The following PLXNA2 variants were observed in gnomAD, a reference collection of about 807,000 sequenced individuals.
PLXNA2 encodes plexin-A2.
Under a neutral mutation model 193.5 loss-of-function variants are expected in PLXNA2, and 91 were observed. The observed-to-expected ratio is 0.47, with a 90% CI of 0.40 to 0.56. The LOEUF is 0.56. Among genes scored for constraint, PLXNA2 ranks in the 20% least tolerant of loss-of-function variants. The pLI is 0.00. For missense variants in PLXNA2, 1,995 were observed against 2,503.2 expected (o/e 0.80, Z 4.33); for synonymous variants, 997 against 1,027.3 (o/e 0.97, Z 0.56).
chr1:208,211,509 T>C (rs1045043642), intron 2 of PLXNA2, among the ~76,000 whole-genome samples: 4 of 152,140 alleles, frequency 2.6e-5, no homozygotes, highest in East Asian at 1.9e-4. Flanking sequence ...CTGGCCAACA[T>C]AGTGAAACCC....
rs757014612 is a variant in PLXNA2 at position 208,042,343 on chromosome 1, G to A, written c.4041C>T (p.His1347=). 31 of 1,613,882 alleles carry A rather than the reference G, an allele frequency of 1.9e-5. No individual in the cohort carries two copies. Among genetic ancestry groups the A allele is most frequent in the South Asian group, 1.3e-4 (12 of 91,084 alleles). ...CAAAGAGCTTCAGGGCCTTCTCCAC[G>A]TGCTGCTGCCCGTTTCCTTGTACCT... ...ELEVQGNGQQ[H]VEKALKLFAQ... is the part of the protein sequence containing the mutation. Residue 1347 remains histidine, a synonymous_variant, in exon 22 of 32, where the codon CAC becomes CAT. Transcript: ENST00000367033.
rs1172185974 is a variant in PLXNA2, at chr1:208,052,560, G to C, written c.2857-97C>G. On this transcript the variant is annotated intron_variant, in intron 14 of 31. Transcript: ENST00000367033. ...GGATGGGAGAGATTGTTTTCATTCT[G>C]GGCGTGGTGGTACTTGTCCTGTCCT... The C allele has an allele frequency of 8.0e-6, 10 of 1,245,548 alleles. No individual in the cohort carries two copies. In the South Asian group the frequency reaches 1.1e-4, roughly 14 times the overall value. 77.2% of individuals were successfully genotyped at this position (1,245,548 alleles called of 1,614,324 possible). A position where few individuals can be genotyped will look rare whatever the true frequency, so the allele number is the denominator to read the frequency against.
In PLXNA2 at chr1:208,243,720, G is replaced by A. The variant is rs1409237079; in HGVS notation, c.-158C>T. Reference sequence around the variant, plus strand: ...CGCCGCCGGCTGCTGAGGGCGGCGCGAGGCCCCTCTCCCTGCCCGCAGCTC... The same window carrying A: ...CGCCGCCGGCTGCTGAGGGCGGCGCAAGGCCCCTCTCCCTGCCCGCAGCTC... On this transcript the variant is annotated 5_prime_UTR_variant, in exon 1 of 32. Transcript: ENST00000367033. The A allele has an allele frequency of 3.3e-5, 5 of 152,248 alleles. No homozygotes were observed. Among genetic ancestry groups the A allele is most frequent in the Non-Finnish European group, 7.3e-5 (5 of 68,062 alleles). The allele number at this position is 152,248 out of a possible 1,614,324, so 9.4% of individuals were successfully genotyped here.
rs532204602 is a variant in PLXNA2, at chr1:208,054,693, G to A, written c.2739-155C>T. Among the ~76,000 whole-genome samples the A allele has an allele frequency of 1.3e-4, 20 of 152,336 alleles. No individual in the cohort carries two copies. The South Asian group carries it at 3.5e-3, about 27-fold the overall frequency. Reference sequence around the variant, plus strand: ...CATCCATCTTGCTGTGTGACCTTGGGTACAGTGCTTTCCCTCTCTGGGCTT... The same window carrying A: ...CATCCATCTTGCTGTGTGACCTTGGATACAGTGCTTTCCCTCTCTGGGCTT... On this transcript the variant is annotated intron_variant, in intron 13 of 31. Coordinates refer to ENST00000367033, the MANE Select transcript of PLXNA2 (RefSeq NM_025179.4).
chr1:208,106,031 G>A (rs959659254), intron 4 of PLXNA2, among the ~76,000 whole-genome samples: 4 of 150,074 alleles, frequency 2.7e-5, no homozygotes, highest in African/African-American at 9.8e-5. Flanking sequence ...GAAACCAATA[G>A]CACAACTATT....
In PLXNA2 at chr1:208,045,222, A is replaced by G. The variant is rs1315729105; in HGVS notation, c.3496-12T>C. ...CAGAGGTTTTTGCCCTGTAGAGAAT[A>G]GCAGTCTTTATAGGCATAATTGACA... is the stretch of plus-strand genomic sequence containing the variant. On this transcript the variant is annotated splice_polypyrimidine_tract_variant and intron_variant, in intron 18 of 31. Transcript: ENST00000367033. 1 of 1,613,220 alleles carries G rather than the reference A, an allele frequency of 6.2e-7. No individual in the cohort carries two copies. Among genetic ancestry groups the G allele is most frequent in the Non-Finnish European group, 8.5e-7 (1 of 1,179,226 alleles).
rs529847101 is a variant in PLXNA2, at chr1:208,177,040, T to G, written c.1371+33240A>C. On this transcript the variant is annotated intron_variant, in intron 3 of 31. Coordinates refer to ENST00000367033, the MANE Select transcript of PLXNA2 (RefSeq NM_025179.4). ...TCCTTGCATTACAAACCAAGCTCCA[T>G]GCACACTTTTCTTTGATGGCTTTGC... Among the ~76,000 whole-genome samples the G allele has an allele frequency of 5.9e-5, 9 of 152,260 alleles. No homozygotes were observed. The East Asian group carries it at 1.4e-3, about 23-fold the overall frequency.
intron 4 of PLXNA2, among the ~76,000 whole-genome samples, chr1:208,116,474 T>C (rs1369364526): frequency 6.6e-6 from 1 of 152,244 alleles, no homozygotes; most frequent in African/African-American, 2.4e-5. Flanking sequence ...TATGCTAAAG[T>C]TCTCTAGGTG....
At chr1:208,157,121 T>A (rs746697280) in intron 3 of PLXNA2, among the ~76,000 whole-genome samples, 7 of 152,244 alleles carry the variant, frequency 4.6e-5, no homozygotes, top group Non-Finnish European at 1.0e-4. Flanking sequence ...CTGGGAAATG[T>A]CCTGAAAAGT....
intron 22 of PLXNA2, among the ~76,000 whole-genome samples, chr1:208,041,160 G>A (rs1571852029): frequency 6.6e-6 from 1 of 152,178 alleles, no homozygotes; most frequent in Non-Finnish European, 1.5e-5. Context: ...AGTTTCTAAT[G>A]CTCAGATTGG....
In PLXNA2 at chr1:208,116,050, C is replaced by T. The variant is rs1017215138; in HGVS notation, c.1507-12803G>A. On this transcript the variant is annotated intron_variant, in intron 4 of 31. Transcript: ENST00000367033. ...TGACCCCTTTGGTCAATGTCAACTG[C>T]ACTCCTGCCAGGCTGGCCTCCTCTC... 2.6e-5 allele frequency among the ~76,000 whole-genome samples: 4 copies of T among 152,212 alleles called. No homozygotes were observed. The East Asian group carries it at 5.8e-4, about 22-fold the overall frequency.
intron 3 of PLXNA2, among the ~76,000 whole-genome samples, chr1:208,187,819 A>G (rs1012674072): frequency 7.2e-5 from 11 of 152,250 alleles, no homozygotes; most frequent in African/African-American, 2.7e-4. Context: ...TGGGTCAGGT[A>G]GCAGAGAGAA....
intron 1 of PLXNA2, among the ~76,000 whole-genome samples, chr1:208,241,898 A>G (rs927904601): frequency 6.6e-6 from 1 of 152,186 alleles, no homozygotes; most frequent in African/African-American, 2.4e-5. Flanking sequence ...CAACCTCGCT[A>G]TGACAGATTC....
intron 13 of PLXNA2, among the ~76,000 whole-genome samples, chr1:208,057,300 G>C (rs1301413946): frequency 2.0e-5 from 3 of 152,200 alleles, no homozygotes; most frequent in Non-Finnish European, 4.4e-5. Flanking sequence ...GTAAGTGGCA[G>C]AGCCCTGATT....
chr1:208,236,166 C>G lies in PLXNA2; in HGVS notation c.-81+7477G>C, dbSNP rs767739632. On this transcript the variant is annotated intron_variant, in intron 1 of 31. Transcript: ENST00000367033. This position sits in a 1 kb window ranked among gnomAD's most constrained non-coding sequence, Gnocchi z 4.4. ...CTCCTGCCTGTGGACGGGGAAGGAG[C>G]CTGGGTCTTCCTGTCTGGCTTGGGC... Among the ~76,000 whole-genome samples the G allele has an allele frequency of 6.6e-6, 1 of 152,062 alleles. No homozygotes were observed. Among genetic ancestry groups the G allele is most frequent in the Non-Finnish European group, 1.5e-5 (1 of 67,996 alleles).
At position 208,142,446 on chromosome 1, in the gene PLXNA2, G is replaced by T. The variant is rs1440383021; in HGVS notation, c.1389C>A (p.Pro463=). Residue 463 remains proline (P), a synonymous_variant, in exon 4 of 32, where the codon CCC becomes CCA. Transcript: ENST00000367033. Reference sequence around the variant, plus strand: ...TCTCGTACTGGACCCCACCATGGGGGGGACCGTCGGCCCGAATCTGTATGA... The same window carrying T: ...TCTCGTACTGGACCCCACCATGGGGTGGACCGTCGGCCCGAATCTGTATGA... ...GKLKKIRADG[P]PHGGVQYEMV... 15 of 1,610,114 alleles carry T rather than the reference G, an allele frequency of 9.3e-6. No individual in the cohort carries two copies. Among genetic ancestry groups the T allele is most frequent in the Non-Finnish European group, 1.3e-5 (15 of 1,178,636 alleles).
In PLXNA2 at chr1:208,033,419, C is replaced by T. The variant is rs1381603248; in HGVS notation, c.4955G>A (p.Trp1652Ter). ...GTGGTCATGGTTCTTCACCAGATGCCACACCTTGACCCCACTTTCCAGGTC... is the reference window on the plus strand; with the variant it reads ...GTGGTCATGGTTCTTCACCAGATGCTACACCTTGACCCCACTTTCCAGGTC... ...TPDLESGVKV[W>*]HLVKNHDHGD... Residue 1652 changes from tryptophan to a stop codon, truncating the protein, a stop_gained, in exon 28 of 32, where the codon TGG (tryptophan) becomes TAG (stop). Transcript: ENST00000367033. LOFTEE classifies it high-confidence loss of function. 2 of 1,614,158 alleles carry T rather than the reference C, an allele frequency of 1.2e-6. No homozygotes were observed. Among genetic ancestry groups the T allele is most frequent in the South Asian group, 1.1e-5 (1 of 91,072 alleles).
intron 12 of PLXNA2, among the ~76,000 whole-genome samples, chr1:208,075,203 C>T (rs543029738): frequency 2.9e-4 from 44 of 151,894 alleles, no homozygotes; most frequent in African/African-American, 1.0e-3. Context: ...ACCAGCTACT[C>T]GGAAGGCTGA....
chr1:208,195,835 T>G (rs1450724672), intron 3 of PLXNA2, among the ~76,000 whole-genome samples: 1 of 152,116 alleles, frequency 6.6e-6, no homozygotes, highest in East Asian at 1.9e-4. Context: ...GCATATTTTT[T>G]CCTTCATTTC....
Sources: allele counts gnomAD v4.1 joint callset (sites outside exome capture counted in the v4.1 genomes callset), GRCh38; gene constraint gnomAD v4.1.1; non-coding constraint Gnocchi (gnomAD v3.1); transcripts MANE v1.5; gene names NCBI Gene and HGNC (gene_info 2026-07-23, HGNC 2026-07-21).